The following PSMD3 variants were observed in gnomAD, a reference collection of about 807,000 sequenced individuals.
The protein encoded by PSMD3 is 26S proteasome non-ATPase regulatory subunit 3.
In PSMD3, 5 loss-of-function variants were observed where a neutral mutation model predicts 62.8. The ratio of observed to expected loss-of-function variants is 0.08; its 90% confidence interval spans 0.04 to 0.17. PSMD3 has a LOEUF of 0.17. PSMD3 is among the 10% of genes least tolerant of loss of function. PSMD3 has a pLI of 1.00. For synonymous variants in PSMD3, 265 were observed against 283.9 expected (o/e 0.93, Z 0.67); for missense variants, 524 against 713.6 (o/e 0.73, Z 3.03).
intron 4 of PSMD3, among the ~76,000 whole-genome samples, chr17:39,989,112 T>G (rs1220827978): frequency 6.6e-6 from 1 of 152,080 alleles, no homozygotes; most frequent in Non-Finnish European, 1.5e-5. Context: ...TAGAAAACAT[T>G]TTACTTCTTT....
chr17:39,980,916 G>A lies in PSMD3; in HGVS notation c.-55G>A. ...CTCGGCTCCTGGTCCCCGGTGCGAG[G>A]GTTAACGCGAGGCCCCGGCCTCGGT... On this transcript the variant is annotated 5_prime_UTR_variant, in exon 1 of 12. Transcript: ENST00000264639. The A allele has an allele frequency of 7.0e-7, 1 of 1,427,810 alleles. No homozygotes were observed. Among genetic ancestry groups the A allele is most frequent in the South Asian group, 1.4e-5 (1 of 69,180 alleles). The allele number at this position is 1,427,810 out of a possible 1,614,324, so 88.4% of individuals were successfully genotyped here.
chr17:39,989,550 G>T (rs550589959), intron 4 of PSMD3, among the ~76,000 whole-genome samples, 189 bp from the exon 5 acceptor site: 170 of 152,232 alleles, frequency 1.1e-3, no homozygotes, highest in Non-Finnish European at 2.2e-3. Context: ...TAAGGGCAGG[G>T]TTTTGTCCCT....
chr17:39,997,766 A>AGC lies in PSMD3; in HGVS notation c.*185_*186insGC, dbSNP rs779934648. 40 of 688,732 alleles carry AGC rather than the reference A, an allele frequency of 5.8e-5. No individual in the cohort carries two copies. In the East Asian group the frequency reaches 1.0e-3, roughly 18 times the overall value. 42.7% of individuals were successfully genotyped at this position (688,732 alleles called of 1,614,324 possible). ...AGGGCTCCTCCCCAGCCGGTGACTTACTGTACAGCAGGCAGGAGGGTGGGC... is the reference window on the plus strand; with the variant it reads ...AGGGCTCCTCCCCAGCCGGTGACTTAGCCTGTACAGCAGGCAGGAGGGTGGGC... On this transcript the variant is annotated 3_prime_UTR_variant, in exon 12 of 12. Coordinates refer to ENST00000264639, the MANE Select transcript of PSMD3 (RefSeq NM_002809.4).
intron 3 of PSMD3, among the ~76,000 whole-genome samples, chr17:39,988,227 C>T (rs1980572093): frequency 6.6e-6 from 1 of 152,188 alleles, no homozygotes; most frequent in African/African-American, 2.4e-5. Context: ...TATTAGTAGT[C>T]ACTTTTCATT....
intron 6 of PSMD3, chr17:39,993,591 T>A (rs1206697206): frequency 1.3e-5 from 2 of 152,406 alleles, no homozygotes; most frequent in Non-Finnish European, 2.9e-5. Context: ...TTGAATTGTC[T>A]GCACATCTTC....
intron 6 of PSMD3, chr17:39,994,712 G>C (rs1037848509): frequency 1.9e-6 from 1 of 539,144 alleles, no homozygotes; most frequent in African/African-American, 1.9e-5. Context: ...CAGGTGAAAT[G>C]CAGCTGACGG....
chr17:39,997,638 G>C lies in PSMD3; in HGVS notation c.*57G>C. 1 of 1,570,800 alleles carries C rather than the reference G, an allele frequency of 6.4e-7. No individual in the cohort carries two copies. The highest frequency in any genetic ancestry group is 8.7e-7 in the Non-Finnish European group (1 of 1,147,876). ...GGGACAGGCTCTTTCCCCCTTGGGG[G>C]TCCCCTGCCCAGGGCACTGTCCCCA... On this transcript the variant is annotated 3_prime_UTR_variant, in exon 12 of 12. Transcript: ENST00000264639.
chr17:39,988,541 C>T (rs1980579438), intron 3 of PSMD3, 142 bp from the exon 4 acceptor site: 12 of 968,508 alleles, frequency 1.2e-5, no homozygotes, highest in South Asian at 5.0e-5. Context: ...TGTGAACATT[C>T]GTGTACATGC....
Position 39,984,010 on chromosome 17 carries a change from T to C in PSMD3, c.221-284T>C, listed in dbSNP as rs371943641. ...GTCAGGAGATCGAGACCATCCTGGC[T>C]AACACGGTGAAACCCCGTCTCTACT... On this transcript the variant is annotated intron_variant, in intron 1 of 11. Transcript: ENST00000264639. 3.6e-4 allele frequency among the ~76,000 whole-genome samples: 55 copies of C among 152,112 alleles called. No homozygotes were observed. The South Asian group carries it at 4.2e-3, about 11-fold the overall frequency.
chr17:39,994,918 T>A, intron 6 of PSMD3, 36 bp from the exon 7 acceptor site: 1 of 1,582,290 alleles, frequency 6.3e-7, no homozygotes, highest in Non-Finnish European at 8.7e-7. Context: ...CCCATGGGGC[T>A]CCCTGCCCAC....
chr17:39,996,073 C>G lies in PSMD3; in HGVS notation c.1321-110C>G. Reference sequence around the variant, plus strand: ...GGTAAAGGTTGCAGTGAGCTGAGATCGCACCACCGCACTCTCCTGCCTGGG... The same window carrying G: ...GGTAAAGGTTGCAGTGAGCTGAGATGGCACCACCGCACTCTCCTGCCTGGG... On this transcript the variant is annotated intron_variant, in intron 9 of 11. Transcript: ENST00000264639. This position sits in a 1 kb window ranked among gnomAD's most constrained non-coding sequence, Gnocchi z 5.1. 1.5e-6 allele frequency: 2 copies of G among 1,343,646 alleles called. No individual in the cohort carries two copies. Among genetic ancestry groups the G allele is most frequent in the Non-Finnish European group, 1.0e-6 (1 of 954,132 alleles). The allele number at this position is 1,343,646 out of a possible 1,614,324, so 83.2% of individuals were successfully genotyped here.
In PSMD3 at chr17:39,995,784, C is replaced by T; in HGVS notation, c.1320+257C>T. 2 of 536,020 alleles carry T rather than the reference C, an allele frequency of 3.7e-6. No homozygotes were observed. Among genetic ancestry groups the T allele is most frequent in the South Asian group, 4.0e-5 (2 of 50,066 alleles). 33.2% of individuals were successfully genotyped at this position (536,020 alleles called of 1,614,324 possible). A position where few individuals can be genotyped will look rare whatever the true frequency, so the allele number is the denominator to read the frequency against. ...TGTGAGTGTGAGAATATAAGGAGGG[C>T]AGAGGAATGGGATGGAACAAGATGT... On this transcript the variant is annotated intron_variant, in intron 9 of 11. Transcript: ENST00000264639. This position sits in a 1 kb window ranked among gnomAD's most constrained non-coding sequence, Gnocchi z 4.1.
intron 4 of PSMD3, among the ~76,000 whole-genome samples, chr17:39,989,193 G>A (rs757262584): frequency 6.6e-6 from 1 of 152,178 alleles, no homozygotes; most frequent in Admixed American, 6.5e-5. Flanking sequence ...AAGGCCTGAC[G>A]TGATCTGCTC....
intron 3 of PSMD3, among the ~76,000 whole-genome samples, chr17:39,987,503 C>T (rs1289693772): frequency 2.0e-5 from 3 of 152,128 alleles, no homozygotes; most frequent in Admixed American, 6.5e-5. Flanking sequence ...TGTGCCACCA[C>T]GCCCAGCTAA....
In PSMD3 at chr17:39,980,845, G is replaced by T; in HGVS notation, c.-126G>T. On this transcript the variant is annotated 5_prime_UTR_variant, in exon 1 of 12. Coordinates refer to ENST00000264639, the MANE Select transcript of PSMD3 (RefSeq NM_002809.4). ...CCGGGAAGGGGTTTGCAGCTGCTCC[G>T]TCATCGTGCGGCCCGACGCTATCTC... 1 of 879,842 alleles carries T rather than the reference G, an allele frequency of 1.1e-6. No individual in the cohort carries two copies. Among genetic ancestry groups the T allele is most frequent in the Non-Finnish European group, 1.6e-6 (1 of 608,020 alleles). 54.5% of individuals were successfully genotyped at this position (879,842 alleles called of 1,614,324 possible).
In PSMD3 at chr17:39,981,156, C is replaced by T; in HGVS notation, c.186C>T (p.His62=). 6.4e-7 allele frequency: 1 copy of T among 1,550,690 alleles called. No homozygotes were observed. The highest frequency in any genetic ancestry group is 8.7e-7 in the Non-Finnish European group (1 of 1,146,642). The change falls in exon 1 of 12, where the codon CAC becomes CAT. Residue 62 remains histidine, a synonymous_variant. Coordinates refer to ENST00000264639, the MANE Select transcript of PSMD3 (RefSeq NM_002809.4). ...AGACGGCGGCGGCAGCGGCTGAGCA[C>T]TCCCAGCGAGAGCTGGACACAGTCA... ...DGKTAAAAAE[H]SQRELDTVTL...
chr17:39,984,575 A>T, intron 2 of PSMD3, 91 bp downstream of exon 2: 1 of 1,276,002 alleles, frequency 7.8e-7, no homozygotes, highest in South Asian at 1.5e-5. Context: ...CCATCTTATT[A>T]CCTGTGGTAG....
At chr17:39,983,873 G>T (rs1473510450) in intron 1 of PSMD3, among the ~76,000 whole-genome samples, 1 of 152,172 alleles carries the variant, frequency 6.6e-6, no homozygotes, top group Admixed American at 6.5e-5. Flanking sequence ...AAGGTGAGTG[G>T]TCGCATTTTG....
chr17:39,997,602 T>C lies in PSMD3; in HGVS notation c.*21T>C. On this transcript the variant is annotated 3_prime_UTR_variant, in exon 12 of 12. Coordinates refer to ENST00000264639, the MANE Select transcript of PSMD3 (RefSeq NM_002809.4). ...CTTGAGCTGGGGGGCTGGGGAGGGG[T>C]AGGGGGAATGGGGACAGGCTCTTTC... The C allele has an allele frequency of 6.3e-7, 1 of 1,594,394 alleles. No individual in the cohort carries two copies. The highest frequency in any genetic ancestry group is 8.6e-7 in the Non-Finnish European group (1 of 1,164,674).
Sources: allele counts gnomAD v4.1 joint callset (sites outside exome capture counted in the v4.1 genomes callset), GRCh38; gene constraint gnomAD v4.1.1; non-coding constraint Gnocchi (gnomAD v3.1); transcripts MANE v1.5; gene names NCBI Gene and HGNC (gene_info 2026-07-23, HGNC 2026-07-21).